Variants in HORMAD2 observed in about 807,000 individuals in gnomAD.
The protein encoded by HORMAD2 is HORMA domain containing 2, also known as HORMA domain-containing protein 2.
HORMAD2 carries 45 observed loss-of-function variants against 38.8 expected under a neutral mutation model. The ratio of observed to expected loss-of-function variants is 1.16; its 90% CI spans 0.91 to 1.49. The LOEUF is 1.49. Among genes scored for constraint, HORMAD2 ranks in the 40% most tolerant of loss-of-function variants. The pLI is 0.00. For missense variants in HORMAD2, 338 were observed against 367.0 expected (o/e 0.92, Z 0.65); for synonymous variants, 126 against 122.8 (o/e 1.03, Z -0.17).
chr22:30,111,648 TC>T (rs1225818745), intron 5 of HORMAD2, 147 bp from the exon 6 acceptor site: 7 of 606,132 alleles, frequency 1.2e-5, no homozygotes, highest in South Asian at 2.5e-5. Flanking sequence ...GATGACTGTA[TC>T]CTTTTTCTTC....
intron 10 of HORMAD2, among the ~76,000 whole-genome samples, chr22:30,141,187 G>A (rs1924044410): frequency 6.6e-6 from 1 of 151,694 alleles, no homozygotes; most frequent in Non-Finnish European, 1.5e-5. Context: ...TAGTAAAGAC[G>A]GGGTTTCACC....
intron 1 of HORMAD2, among the ~76,000 whole-genome samples, chr22:30,080,750 G>C (rs1425347577): frequency 6.6e-6 from 1 of 152,082 alleles, no homozygotes; most frequent in African/African-American, 2.4e-5. Flanking sequence ...TTGAAATTCA[G>C]ATTTTTCTGG....
intron 10 of HORMAD2, among the ~76,000 whole-genome samples, chr22:30,160,069 C>G (rs1404902964): frequency 2.0e-5 from 3 of 152,004 alleles, no homozygotes; most frequent in Non-Finnish European, 4.4e-5. Context: ...TTATTTAGCC[C>G]TGACTTCATC....
At chr22:30,135,959 C>A (rs1923622944) in intron 10 of HORMAD2, among the ~76,000 whole-genome samples, 1 of 152,106 alleles carries the variant, frequency 6.6e-6, no homozygotes, top group Admixed American at 6.6e-5. Context: ...CTGAGGGACA[C>A]CAGTCAGTAG....
chr22:30,082,678 C>T (rs1196291977), intron 1 of HORMAD2, among the ~76,000 whole-genome samples: 2 of 151,520 alleles, frequency 1.3e-5, no homozygotes, highest in African/African-American at 2.4e-5. Flanking sequence ...CATATAGTCT[C>T]AGCTACTTGG....
chr22:30,097,598 T>A (rs1261391814), intron 2 of HORMAD2, among the ~76,000 whole-genome samples: 2 of 152,090 alleles, frequency 1.3e-5, no homozygotes, highest in Non-Finnish European at 1.5e-5. Context: ...ATAGCCACAA[T>A]TCCACATAGC....
chr22:30,088,960 A>G (rs1393672903), intron 1 of HORMAD2, among the ~76,000 whole-genome samples: 1 of 152,150 alleles, frequency 6.6e-6, no homozygotes, highest in Non-Finnish European at 1.5e-5. Flanking sequence ...ATAGTCTCAA[A>G]TCAAGTAAAG....
intron 2 of HORMAD2, among the ~76,000 whole-genome samples, chr22:30,094,472 C>T (rs1437132517): frequency 6.6e-6 from 1 of 152,122 alleles, no homozygotes; most frequent in Non-Finnish European, 1.5e-5. Flanking sequence ...TTAATGCATC[C>T]TTTGTTTATT....
At chr22:30,083,907 C>T (rs529650768) in intron 1 of HORMAD2, among the ~76,000 whole-genome samples, 11 of 152,148 alleles carry the variant, frequency 7.2e-5, no homozygotes, top group African/African-American at 9.6e-5. Flanking sequence ...GTAGGCAAGC[C>T]GAAGAACTAA....
the HORMAD2 span, among the ~76,000 whole-genome samples, chr22:30,205,383 C>G: frequency 5.3e-5 from 8 of 152,172 alleles, no homozygotes; most frequent in Non-Finnish European, 8.8e-5. Flanking sequence ...AGCCAGAACA[C>G]CCTGGGACCG....
Position 30,169,304 on chromosome 22 carries a change from T to C in HORMAD2, c.820-6759T>C, listed in dbSNP as rs113925420. Among the ~76,000 whole-genome samples the C allele has an allele frequency of 5.0e-3, 761 of 152,274 alleles. 4 individuals are homozygous for C. The highest frequency in any genetic ancestry group is 8.0e-3 in the Non-Finnish European group (544 of 68,014). The stretch of plus-strand genomic sequence containing the variant: ...GAGGACATGAAGTGTCTTGATCAGC[T>C]TTGTATCTTTAGTGTTTAACACAAT... On this transcript the variant is annotated intron_variant, in intron 10 of 10. Transcript: ENST00000336726.
intron 10 of HORMAD2, among the ~76,000 whole-genome samples, chr22:30,128,707 T>C (rs1191047934): frequency 6.6e-6 from 1 of 152,160 alleles, no homozygotes; most frequent in African/African-American, 2.4e-5. Context: ...CTAACAATGA[T>C]AACTACTTAA....
chr22:30,100,585 G>A (rs1483506236), intron 3 of HORMAD2, among the ~76,000 whole-genome samples: 1 of 152,070 alleles, frequency 6.6e-6, no homozygotes, highest in Admixed American at 6.5e-5. Context: ...ATAGACAAAT[G>A]GGAACTAATT....
the HORMAD2 span, among the ~76,000 whole-genome samples, chr22:30,201,570 C>T: frequency 7.2e-5 from 11 of 151,740 alleles, no homozygotes; most frequent in African/African-American, 2.7e-4. Context: ...GGCGCCCACC[C>T]CCTCGCCCGG....
At chr22:30,148,090 G>A (rs939286524) in intron 10 of HORMAD2, among the ~76,000 whole-genome samples, 5 of 152,062 alleles carry the variant, frequency 3.3e-5, no homozygotes, top group South Asian at 2.1e-4. Context: ...GAATTAACCC[G>A]CGTGTCCATC....
chr22:30,085,742 G>A (rs1212946525), intron 1 of HORMAD2, among the ~76,000 whole-genome samples: 1 of 152,212 alleles, frequency 6.6e-6, no homozygotes, highest in Non-Finnish European at 1.5e-5. Flanking sequence ...GACACAGTGA[G>A]AGTCCTTTTC....
At chr22:30,166,605 C>G (rs1389061495) in intron 10 of HORMAD2, among the ~76,000 whole-genome samples, 14 of 152,124 alleles carry the variant, frequency 9.2e-5, no homozygotes, top group Admixed American at 9.2e-4. Flanking sequence ...GTGTGAAAGA[C>G]ATTGTGTAAA....
chr22:30,129,347 G>A (rs761469533), intron 10 of HORMAD2, among the ~76,000 whole-genome samples: 1 of 150,098 alleles, frequency 6.7e-6, no homozygotes, highest in Non-Finnish European at 1.5e-5. Context: ...AATTGTGGCT[G>A]AAGAGATAAC....
intron 10 of HORMAD2, chr22:30,137,502 G>A (rs887521378): frequency 6.7e-6 from 1 of 148,580 alleles, no homozygotes; most frequent in African/African-American, 2.5e-5. Flanking sequence ...AAGGAAGGAA[G>A]GAAGGGAGGG....
Sources: gnomAD v4.1 joint callset for allele counts (sites outside exome capture counted in the v4.1 genomes callset) on GRCh38, gnomAD v4.1.1 for gene constraint, MANE v1.5 for transcripts, NCBI Gene and HGNC (gene_info 2026-07-23, HGNC 2026-07-21) for gene names.